The following APLP2 variants were observed in gnomAD, a reference collection of about 807,000 sequenced individuals.
APLP2 encodes the protein CDEI box-binding protein.
A neutral mutation model predicts 89.9 loss-of-function variants in APLP2; 53 were observed. The observed-to-expected ratio is 0.59, with a 90% CI of 0.47 to 0.74. The LOEUF (loss-of-function observed/expected upper bound fraction) is 0.74, where lower values mean the gene tolerates loss of function less well. APLP2 is among the 30% of genes least tolerant of loss of function. The pLI, the probability that APLP2 is intolerant of heterozygous loss-of-function variation, is 0.00. For synonymous variants in APLP2, 372 were observed against 348.6 expected (o/e 1.07, Z -0.75); for missense variants, 973 against 975.9 (o/e 1.00, Z 0.04).
Position 130,142,050 on chromosome 11 carries a change from C to T in APLP2, c.2130C>T (p.Gly710=), listed in dbSNP as rs1461353058. Residue 710 remains glycine (G), a synonymous_variant, in exon 16 of 17, where the codon GGC becomes GGT. Coordinates refer to ENST00000338167, the MANE Select transcript of APLP2 (RefSeq NM_001142276.2). ...SLVMLRKRQY[G]TISHGIVEVD... ...TGATGCTGAGGAAGAGGCAGTATGG[C>T]ACCATCAGCCACGGGATCGTGGAGG... 52 of 1,613,132 alleles carry T rather than the reference C, an allele frequency of 3.2e-5. No homozygotes were observed. The highest frequency in any genetic ancestry group is 4.1e-5 in the Non-Finnish European group (48 of 1,179,724).
In APLP2 at chr11:130,143,442, G is replaced by A. The variant is rs754654715; in HGVS notation, c.2250G>A (p.Gln750=). The A allele has an allele frequency of 6.2e-7, 1 of 1,613,892 alleles. No homozygotes were observed. Residue 750 remains glutamine (Q), a synonymous_variant, in exon 17 of 17, where the codon CAG becomes CAA. Coordinates refer to ENST00000338167, the MANE Select transcript of APLP2 (RefSeq NM_001142276.2). ...NPTYKYLEQM[Q]I ...CCTACAAATACCTGGAGCAGATGCAGATTTAGGTGGCAGGGAGCGCGGCAG... is the reference window on the plus strand; with the variant it reads ...CCTACAAATACCTGGAGCAGATGCAAATTTAGGTGGCAGGGAGCGCGGCAG...
At position 130,094,486 on chromosome 11, in the gene APLP2, G is replaced by A. The variant is rs554408064; in HGVS notation, c.106-14943G>A. On this transcript the variant is annotated intron_variant, in intron 1 of 16. Transcript: ENST00000338167. ...TTACAGACGTGAGCCACCGCACCTG[G>A]CCGGGATTTACTTCTATATGTAAAA... 3.3e-5 allele frequency among the ~76,000 whole-genome samples: 5 copies of A among 152,276 alleles called. No homozygotes were observed. In the East Asian group the frequency reaches 9.7e-4, roughly 29 times the overall value.
chr11:130,075,946 A>ATGGT (rs1297376681), intron 1 of APLP2, among the ~76,000 whole-genome samples: 1 of 152,184 alleles, frequency 6.6e-6, no homozygotes, highest in Non-Finnish European at 1.5e-5. Context: ...TGTAAACCAT[A>ATGGT]TGGTTAATAG....
chr11:130,141,563 G>A lies in APLP2; in HGVS notation c.1989G>A (p.Glu663=). Residue 663 remains glutamate, a synonymous_variant, in exon 15 of 17, where the codon GAG becomes GAA. Transcript: ENST00000338167. The surrounding 1 kb of genome is among the most constrained non-coding windows in gnomAD (Gnocchi z 4.2). ...IFNAERVGGL[E]EERESVGPLR... ...ATGCCGAGAGAGTTGGAGGCCTCGA[G>A]GAAGAGCGGGTACGTGTTTAGCTCC... is the stretch of plus-strand genomic sequence containing the variant. 6.2e-7 allele frequency: 1 copy of A among 1,613,988 alleles called. No homozygotes were observed. The highest frequency in any genetic ancestry group is 8.5e-7 in the Non-Finnish European group (1 of 1,179,932).
intron 13 of APLP2, chr11:130,137,384 T>C: frequency 8.2e-7 from 1 of 1,216,268 alleles, no homozygotes; most frequent in Non-Finnish European, 1.2e-6. Context: ...TGCCATCACC[T>C]GGCTTTCCCC....
chr11:130,118,895 C>T (rs1949510486), intron 3 of APLP2, among the ~76,000 whole-genome samples: 1 of 152,192 alleles, frequency 6.6e-6, no homozygotes. Context: ...TGCTGAGAAA[C>T]CTGACTGCCA....
intron 1 of APLP2, among the ~76,000 whole-genome samples, chr11:130,077,623 A>C (rs552904712): frequency 2.0e-5 from 3 of 151,900 alleles, no homozygotes; most frequent in Non-Finnish European, 4.4e-5. Flanking sequence ...AAAAAAAAAA[A>C]CAAAAAACCA....
At chr11:130,109,195 TAATA>T (rs966450401) in intron 1 of APLP2, 5 of 291,528 alleles carry the variant, frequency 1.7e-5, no homozygotes, top group Admixed American at 5.0e-5. Context: ...ACTTAAAATA[TAATA>T]AATAAAATAA....
intron 9 of APLP2, 79 bp downstream of exon 9, chr11:130,127,919 T>A: frequency 1.6e-6 from 2 of 1,272,072 alleles, no homozygotes; most frequent in Non-Finnish European, 2.2e-6. Flanking sequence ...CCAACGAAAT[T>A]AGGATTGGAC....
In APLP2 at chr11:130,122,525, T is replaced by C. The variant is rs1305831143; in HGVS notation, c.922+12T>C. On this transcript the variant is annotated intron_variant, in intron 6 of 16. Transcript: ENST00000338167. Reference sequence around the variant, plus strand: ...TCATGATGTCAAAGGTAACCCCATGTAGAGCCATGGCTTTGAAATCCATGT... The same window carrying C: ...TCATGATGTCAAAGGTAACCCCATGCAGAGCCATGGCTTTGAAATCCATGT... 3.1e-6 allele frequency: 5 copies of C among 1,613,794 alleles called. No individual in the cohort carries two copies. The highest frequency in any genetic ancestry group is 4.5e-5 in the East Asian group (2 of 44,896).
intron 3 of APLP2, among the ~76,000 whole-genome samples, chr11:130,120,478 G>T (rs927675073): frequency 2.0e-5 from 3 of 152,290 alleles, no homozygotes; most frequent in African/African-American, 7.2e-5. Context: ...CAGTCAGGGG[G>T]CTTTTAAAAG....
chr11:130,092,955 A>G (rs576499893), intron 1 of APLP2, among the ~76,000 whole-genome samples: 1 of 152,292 alleles, frequency 6.6e-6, no homozygotes, highest in African/African-American at 2.4e-5. Flanking sequence ...AGAAAGCACC[A>G]GGGCCTCTGA....
At chr11:130,133,115 A>C (rs1951114304) in intron 11 of APLP2, among the ~76,000 whole-genome samples, 1 of 151,472 alleles carries the variant, frequency 6.6e-6, no homozygotes, top group Admixed American at 6.6e-5. Flanking sequence ...AGCTGGGGGA[A>C]TTATACAGTC....
At chr11:130,070,405 C>T (rs1404471995) in intron 1 of APLP2, among the ~76,000 whole-genome samples, 1 of 150,220 alleles carries the variant, frequency 6.7e-6, no homozygotes, top group Non-Finnish European at 1.5e-5. Flanking sequence ...CCCCCGGGCG[C>T]CCGCCCCGCC....
chr11:130,120,813 A>G lies in APLP2; in HGVS notation c.511A>G (p.Lys171Glu). The change falls in exon 4 of 17, where the codon AAA (lysine) becomes GAA (glutamate). Residue 171 changes from lysine (K) to glutamate (E), a missense_variant. Transcript: ENST00000338167. ...TCACCAGCACTGGCACACGGTAGTC[A>G]AAGAGGTAAGAGAACTCGGGGGGAA... is the stretch of plus-strand genomic sequence containing the variant. ...ENHQHWHTVV[K>E]EACLTQGMTL... 6.2e-7 allele frequency: 1 copy of G among 1,612,852 alleles called. No homozygotes were observed. The highest frequency in any genetic ancestry group is 8.5e-7 in the Non-Finnish European group (1 of 1,179,032).
intron 9 of APLP2, among the ~76,000 whole-genome samples, chr11:130,128,704 G>A (rs1014244867): frequency 6.6e-6 from 1 of 152,222 alleles, no homozygotes; most frequent in Non-Finnish European, 1.5e-5. Flanking sequence ...GGAAGTTAGT[G>A]CCTTGCTGCA....
rs1358323228 is a variant in APLP2 at position 130,133,710 on chromosome 11, G to A, written c.1666G>A (p.Glu556Lys). 6.2e-7 allele frequency: 1 copy of A among 1,613,924 alleles called. No homozygotes were observed. The highest frequency in any genetic ancestry group is 1.3e-5 in the African/African-American group (1 of 75,066). The change falls in exon 12 of 17, where the codon GAA (glutamate) becomes AAA (lysine). Residue 556 changes from glutamate to lysine, a missense_variant. Physicochemically the swap from Glu to Lys is moderately conservative, Grantham distance 56. Transcript: ENST00000338167. ...CTACAAAGTACCTTATGTAGCCCAA[G>A]AAATTCAAGAGGAAATTGGTGGGTA... Reference protein sequence around the residue: ...LLYKVPYVAQEIQEEIDELLQ... With the variant: ...LLYKVPYVAQKIQEEIDELLQ...
intron 1 of APLP2, among the ~76,000 whole-genome samples, chr11:130,108,216 G>A (rs1462850647): frequency 6.6e-6 from 1 of 152,158 alleles, no homozygotes; most frequent in African/African-American, 2.4e-5. Context: ...TTGACAAATG[G>A]GATCTAATTA....
Position 130,142,043 on chromosome 11 carries a change from A to G in APLP2, c.2123A>G (p.Gln708Arg). Reference protein sequence around the residue: ...VISLVMLRKRQYGTISHGIVE... With the variant: ...VISLVMLRKRRYGTISHGIVE... ...AGCCTGGTGATGCTGAGGAAGAGGC[A>G]GTATGGCACCATCAGCCACGGGATC... The change falls in exon 16 of 17, where the codon CAG becomes CGG. Residue 708 changes from glutamine (Q) to arginine (R), a missense_variant. Gln to Arg is a conservative substitution (Grantham distance 43). Coordinates refer to ENST00000338167, the MANE Select transcript of APLP2 (RefSeq NM_001142276.2). 1 of 1,613,620 alleles carries G rather than the reference A, an allele frequency of 6.2e-7. No individual in the cohort carries two copies. The highest frequency in any genetic ancestry group is 8.5e-7 in the Non-Finnish European group (1 of 1,179,858).
Sources: allele counts gnomAD v4.1 joint callset (sites outside exome capture counted in the v4.1 genomes callset), GRCh38; gene constraint gnomAD v4.1.1; non-coding constraint Gnocchi (gnomAD v3.1); transcripts MANE v1.5; gene names NCBI Gene and HGNC (gene_info 2026-07-23, HGNC 2026-07-21).